Variants in ST6GALNAC3 observed in about 807,000 individuals in gnomAD.
The protein encoded by ST6GALNAC3 is alpha-N-acetylgalactosaminide alpha-2,6-sialyltransferase 3.
ST6GALNAC3 carries 25 observed loss-of-function variants against 32.7 expected under a neutral mutation model. The ratio of observed to expected loss-of-function variants is 0.76; its 90% CI spans 0.56 to 1.07. The LOEUF (loss-of-function observed/expected upper bound fraction) is 1.07, where lower values mean the gene tolerates loss of function less well. ST6GALNAC3 is among the 50% of genes least tolerant of loss of function. The probability of loss-of-function intolerance (pLI) is 0.00; values close to 1 mark genes in which losing one functional copy is unlikely to be tolerated. For missense variants in ST6GALNAC3, 355 were observed against 382.4 expected, an observed-to-expected ratio of 0.93 and a Z score of 0.60; for synonymous variants, 129 against 133.1, an observed-to-expected ratio of 0.97 and a Z score of 0.21.
chr1:76,454,171 C>G (rs72678056), intron 3 of ST6GALNAC3, among the ~76,000 whole-genome samples: 3 of 151,828 alleles, frequency 2.0e-5, no homozygotes, highest in African/African-American at 7.3e-5. Context: ...TAGAAGAGTC[C>G]TTATGTGTCA....
intron 1 of ST6GALNAC3, among the ~76,000 whole-genome samples, chr1:76,180,329 A>T (rs1409686288): frequency 6.6e-6 from 1 of 152,182 alleles, no homozygotes; most frequent in African/African-American, 2.4e-5. Context: ...TGTTTTTCAG[A>T]GTAGAACTAA....
At chr1:76,440,181 A>C (rs1195571764) in intron 3 of ST6GALNAC3, among the ~76,000 whole-genome samples, 2 of 152,236 alleles carry the variant, frequency 1.3e-5, no homozygotes, top group Non-Finnish European at 2.9e-5. Context: ...GAAGCATGGA[A>C]GTATGAAGTG....
rs143887549 is a variant in ST6GALNAC3, at chr1:76,244,756, C to T, written c.19-69049C>T. 4.6e-3 allele frequency among the ~76,000 whole-genome samples: 704 copies of T among 152,076 alleles called. 5 individuals are homozygous for T. The highest frequency in any genetic ancestry group is 0.016 in the African/African-American group (653 of 41,514). Reference sequence around the variant, plus strand: ...GTGATGGAATACGTTTATTGATTAGCGCATGTTGAACCATCCTTGTATTCC... The same window carrying T: ...GTGATGGAATACGTTTATTGATTAGTGCATGTTGAACCATCCTTGTATTCC... On this transcript the variant is annotated intron_variant, in intron 1 of 4. Coordinates refer to ENST00000328299, the MANE Select transcript of ST6GALNAC3 (RefSeq NM_152996.4).
chr1:76,403,844 T>G (rs1223406648), intron 2 of ST6GALNAC3, among the ~76,000 whole-genome samples: 1 of 152,134 alleles, frequency 6.6e-6, no homozygotes, highest in Non-Finnish European at 1.5e-5. Flanking sequence ...CAAGTTTTAC[T>G]GTGACCTAAT....
intron 2 of ST6GALNAC3, among the ~76,000 whole-genome samples, chr1:76,346,959 T>C (rs147077420): frequency 1.3e-5 from 2 of 152,326 alleles, no homozygotes; most frequent in Admixed American, 6.5e-5. Flanking sequence ...ATTGTATCTG[T>C]TAATACATTA....
rs112042323 is a variant in ST6GALNAC3, at chr1:76,341,757, T to C, written c.213+27758T>C. Among the ~76,000 whole-genome samples the C allele has an allele frequency of 8.5e-3, 1,276 of 149,912 alleles. 23 individuals carry two copies. Among genetic ancestry groups the C allele is most frequent in the African/African-American group, 0.031 (1,234 of 39,752 alleles). On this transcript the variant is annotated intron_variant, in intron 2 of 4. Coordinates refer to ENST00000328299, the MANE Select transcript of ST6GALNAC3 (RefSeq NM_152996.4). Reference sequence around the variant, plus strand: ...TAAGTTCTGGGATACTTGTACAGAATGTGCAGGTTTGTTACATAGGTATAC... The same window carrying C: ...TAAGTTCTGGGATACTTGTACAGAACGTGCAGGTTTGTTACATAGGTATAC...
At chr1:76,210,903 C>A (rs1355458513) in intron 1 of ST6GALNAC3, among the ~76,000 whole-genome samples, 2 of 152,202 alleles carry the variant, frequency 1.3e-5, no homozygotes, top group Non-Finnish European at 2.9e-5. Flanking sequence ...CCTGTCACCA[C>A]ACCTGGCTAA....
chr1:76,306,571 A>C (rs1661065740), intron 1 of ST6GALNAC3, among the ~76,000 whole-genome samples: 1 of 151,976 alleles, frequency 6.6e-6, no homozygotes, highest in Non-Finnish European at 1.5e-5. Context: ...TAGAGTTTTC[A>C]TGGGTACCAC....
At chr1:76,380,967 G>C (rs1651658702) in intron 2 of ST6GALNAC3, among the ~76,000 whole-genome samples, 1 of 152,028 alleles carries the variant, frequency 6.6e-6, no homozygotes, top group African/African-American at 2.4e-5. Context: ...TTGTCACCAT[G>C]GTAGTAGTTT....
At chr1:76,448,770 A>G (rs1000420446) in intron 3 of ST6GALNAC3, among the ~76,000 whole-genome samples, 2 of 152,130 alleles carry the variant, frequency 1.3e-5, no homozygotes, top group African/African-American at 4.8e-5. Flanking sequence ...CATGGTTATG[A>G]GGCCTCACCA....
chr1:76,629,006 T>A lies in ST6GALNAC3; in HGVS notation c.*200T>A, dbSNP rs906484748. On this transcript the variant is annotated 3_prime_UTR_variant, in exon 5 of 5. Transcript: ENST00000328299. ...TCATGGAGGATGGTTGTGCTCATGA[T>A]GTTCTTTCTGGAGGTTCAACACTAC... is the stretch of plus-strand genomic sequence containing the variant. 7.2e-7 allele frequency: 1 copy of A among 1,384,190 alleles called. No individual in the cohort carries two copies. The allele number at this position is 1,384,190 out of a possible 1,614,324, so 85.7% of individuals were successfully genotyped here.
At chr1:76,397,669 C>T (rs1653080038) in intron 2 of ST6GALNAC3, among the ~76,000 whole-genome samples, 3 of 152,046 alleles carry the variant, frequency 2.0e-5, no homozygotes, top group South Asian at 4.1e-4. Flanking sequence ...CCACCATGCC[C>T]GGCCAAGGTG....
intron 3 of ST6GALNAC3, among the ~76,000 whole-genome samples, chr1:76,530,269 A>T (rs1476344407): frequency 6.6e-6 from 1 of 152,168 alleles, no homozygotes; most frequent in East Asian, 1.9e-4. Context: ...GGCGGACAAA[A>T]CTTCATACCT....
intron 1 of ST6GALNAC3, among the ~76,000 whole-genome samples, chr1:76,208,052 C>A (rs867695722): frequency 2.7e-5 from 4 of 145,888 alleles, no homozygotes; most frequent in African/African-American, 1.0e-4. Flanking sequence ...CCCCCCCCCC[C>A]AAAAAATAGT....
intron 1 of ST6GALNAC3, among the ~76,000 whole-genome samples, chr1:76,302,424 C>A (rs1660780848): frequency 6.6e-6 from 1 of 152,000 alleles, no homozygotes; most frequent in Non-Finnish European, 1.5e-5. Flanking sequence ...TGAATGGAAG[C>A]TTTCTTTCTG....
At chr1:76,434,784 GT>G (rs1211703628) in intron 3 of ST6GALNAC3, among the ~76,000 whole-genome samples, 223 of 72,208 alleles carry the variant, frequency 3.1e-3, no homozygotes, top group East Asian at 7.2e-3. Flanking sequence ...TTTTTTCTCT[GT>G]TTTTTTTTTT....
chr1:76,330,281 T>A (rs1350381844), intron 2 of ST6GALNAC3, among the ~76,000 whole-genome samples: 1 of 152,108 alleles, frequency 6.6e-6, no homozygotes, highest in Non-Finnish European at 1.5e-5. Flanking sequence ...GCCTCCTGAG[T>A]AGCTAGGATT....
At chr1:76,305,442 A>G (rs1413824657) in intron 1 of ST6GALNAC3, among the ~76,000 whole-genome samples, 6 of 152,094 alleles carry the variant, frequency 3.9e-5, no homozygotes, top group South Asian at 2.1e-4. Context: ...AAGGTCTTGT[A>G]TATCATACCA....
intron 1 of ST6GALNAC3, among the ~76,000 whole-genome samples, chr1:76,177,995 G>A (rs1166141980): frequency 6.6e-6 from 1 of 152,228 alleles, no homozygotes; most frequent in African/African-American, 2.4e-5. Flanking sequence ...AAGGTCTGCA[G>A]AAACTGATCC....
Sources: allele counts gnomAD v4.1 joint callset (sites outside exome capture counted in the v4.1 genomes callset), GRCh38; gene constraint gnomAD v4.1.1; transcripts MANE v1.5; gene names NCBI Gene and HGNC (gene_info 2026-07-23, HGNC 2026-07-21).